TCF12: variants seen among roughly 807,000 people sequenced by gnomAD.
The protein encoded by TCF12 is transcription factor 12, also known as DNA-binding protein HTF4.
In TCF12, 45 loss-of-function variants were observed where a neutral mutation model predicts 86.0. The ratio of observed to expected loss-of-function variants is 0.52; its 90% confidence interval spans 0.41 to 0.67. TCF12 has a LOEUF of 0.67. TCF12 is among the 30% of genes least tolerant of loss of function. TCF12 has a pLI of 0.00. For synonymous variants in TCF12, 330 were observed against 299.6 expected (o/e 1.10, Z -1.05); for missense variants, 881 against 859.9 (o/e 1.02, Z -0.31).
intron 12 of TCF12, among the ~76,000 whole-genome samples, chr15:57,239,220 G>A (rs1190635626): frequency 3.9e-5 from 6 of 152,140 alleles, no homozygotes; most frequent in African/African-American, 4.8e-5. Context: ...GCATGGTGGT[G>A]CATGCCTGTA....
chr15:57,213,690 G>A (rs140630845), intron 8 of TCF12, among the ~76,000 whole-genome samples: 3 of 151,930 alleles, frequency 2.0e-5, no homozygotes, highest in African/African-American at 7.3e-5. Context: ...AAAAAAAATC[G>A]CACAGGCCAA....
chr15:56,973,155 C>T (rs1375277595), intron 3 of TCF12, among the ~76,000 whole-genome samples: 1 of 152,120 alleles, frequency 6.6e-6, no homozygotes, highest in African/African-American at 2.4e-5. Flanking sequence ...TCAATGTAAA[C>T]TCATTTCCCT....
intron 3 of TCF12, among the ~76,000 whole-genome samples, chr15:56,954,619 T>C (rs905911863): frequency 6.6e-6 from 1 of 152,114 alleles, no homozygotes; most frequent in East Asian, 1.9e-4. Context: ...GAAACTACCA[T>C]CAGAGTGAAC....
At chr15:57,046,580 C>T (rs912422917) in intron 3 of TCF12, among the ~76,000 whole-genome samples, 1 of 152,052 alleles carries the variant, frequency 6.6e-6, no homozygotes, top group Non-Finnish European at 1.5e-5. Context: ...GTAGCTGGGA[C>T]TACAGGCCAG....
At chr15:56,966,392 T>G (rs564942283) in intron 3 of TCF12, among the ~76,000 whole-genome samples, 1 of 152,212 alleles carries the variant, frequency 6.6e-6, no homozygotes, top group Non-Finnish European at 1.5e-5. Flanking sequence ...CAACCTAATA[T>G]CATGCTGTGT....
At chr15:57,048,784 T>C (rs992854107) in intron 3 of TCF12, among the ~76,000 whole-genome samples, 1 of 152,194 alleles carries the variant, frequency 6.6e-6, no homozygotes, top group African/African-American at 2.4e-5. Flanking sequence ...ACATGAATAT[T>C]GGGAAAAATT....
At chr15:57,042,936 C>G (rs2066993417) in intron 3 of TCF12, among the ~76,000 whole-genome samples, 1 of 152,124 alleles carries the variant, frequency 6.6e-6, no homozygotes. Flanking sequence ...ACAGTAATCA[C>G]CATTCTACCT....
intron 3 of TCF12, among the ~76,000 whole-genome samples, chr15:57,019,752 C>A (rs534680285): frequency 6.9e-6 from 1 of 144,576 alleles, no homozygotes; most frequent in South Asian, 2.2e-4. Context: ...TCTATAGGAG[C>A]AATTGGGGAT....
At chr15:57,222,749 A>AT (rs2058658468) in intron 8 of TCF12, among the ~76,000 whole-genome samples, 1 of 144,208 alleles carries the variant, frequency 6.9e-6, no homozygotes, top group Admixed American at 7.1e-5. Context: ...GGGGAAAAAA[A>AT]GGACTGCCAT....
At chr15:57,186,496 C>G (rs1205465960) in intron 6 of TCF12, among the ~76,000 whole-genome samples, 2 of 151,754 alleles carry the variant, frequency 1.3e-5, no homozygotes, top group Non-Finnish European at 2.9e-5. Context: ...GAGACCGTCT[C>G]GAAGAAAAAA....
intron 3 of TCF12, among the ~76,000 whole-genome samples, chr15:56,963,239 G>C (rs564271971): frequency 3.3e-5 from 5 of 151,950 alleles, no homozygotes; most frequent in African/African-American, 1.2e-4. Context: ...TGGGAATGTG[G>C]GGCAATATAA....
At chr15:57,009,864 A>C (rs2064714056) in intron 3 of TCF12, among the ~76,000 whole-genome samples, 1 of 152,334 alleles carries the variant, frequency 6.6e-6, no homozygotes, top group African/African-American at 2.4e-5. Flanking sequence ...CAATTTGAAA[A>C]TAACATAAAG....
intron 19 of TCF12, chr15:57,278,553 T>TC (rs1381194760): frequency 5.6e-6 from 1 of 178,670 alleles, no homozygotes; most frequent in Non-Finnish European, 1.2e-5. Flanking sequence ...AAAAATTTTT[T>TC]TTCTTTTCCA....
At chr15:57,144,554 C>T (rs917524466) in intron 5 of TCF12, among the ~76,000 whole-genome samples, 3 of 152,168 alleles carry the variant, frequency 2.0e-5, no homozygotes, top group African/African-American at 7.2e-5. Flanking sequence ...CCGTTTTGTA[C>T]TGATGATTGG....
At chr15:57,108,674 A>G (rs1197847569) in intron 5 of TCF12, among the ~76,000 whole-genome samples, 4 of 151,440 alleles carry the variant, frequency 2.6e-5, no homozygotes, top group African/African-American at 9.7e-5. Flanking sequence ...GGTGAGGGAC[A>G]TTGTTGGGGG....
chr15:57,282,251 CA>C (rs1252737510), intron 19 of TCF12, 193 bp from the exon 20 acceptor site: 9 of 631,970 alleles, frequency 1.4e-5, no homozygotes, highest in Non-Finnish European at 2.1e-5. Context: ...GAAGAAAACA[CA>C]AGATGGTCAC....
At chr15:57,086,011 A>G (rs751347546) in intron 4 of TCF12, among the ~76,000 whole-genome samples, 1 of 152,110 alleles carries the variant, frequency 6.6e-6, no homozygotes, top group Non-Finnish European at 1.5e-5. Context: ...CTGATTGGAC[A>G]TTTATAATAT....
At chr15:57,235,651 T>C (rs1165793757) in intron 12 of TCF12, among the ~76,000 whole-genome samples, 3 of 152,216 alleles carry the variant, frequency 2.0e-5, no homozygotes, top group African/African-American at 7.2e-5. Flanking sequence ...AGGTATTTGA[T>C]TGGCTTGCCA....
Position 57,207,903 on chromosome 15 carries a change from C to T in TCF12, c.579+10078C>T, listed in dbSNP as rs184121477. 6.7e-4 allele frequency among the ~76,000 whole-genome samples: 102 copies of T among 152,128 alleles called. No individual in the cohort carries two copies. The East Asian group carries it at 0.016, about 23-fold the overall frequency. ...GTATGGGCTCCATCTAGTAGATTCC[C>T]AGTCAGGAGAATATGAATCCCTTCT... On this transcript the variant is annotated intron_variant, in intron 8 of 20. Coordinates refer to ENST00000333725, the MANE Select transcript of TCF12 (RefSeq NM_207037.2).
Sources: allele counts gnomAD v4.1 joint callset (sites outside exome capture counted in the v4.1 genomes callset), GRCh38; gene constraint gnomAD v4.1.1; transcripts MANE v1.5; gene names NCBI Gene and HGNC (gene_info 2026-07-23, HGNC 2026-07-21).